SLC9B2: variants seen among roughly 807,000 people sequenced by gnomAD.
The protein encoded by SLC9B2 is sodium/hydrogen exchanger 9B2.
A neutral mutation model predicts 52.2 loss-of-function variants in SLC9B2; 39 were observed. The ratio of observed to expected loss-of-function variants is 0.75; its 90% CI spans 0.58 to 0.98. SLC9B2 has a LOEUF of 0.98. Among genes scored for constraint, SLC9B2 ranks in the 50% least tolerant of loss-of-function variants. The pLI is 0.00. For synonymous variants in SLC9B2, 214 were observed against 227.0 expected (o/e 0.94, Z 0.51); for missense variants, 626 against 637.5 (o/e 0.98, Z 0.19).
intron 11 of SLC9B2, among the ~76,000 whole-genome samples, chr4:103,027,054 A>T (rs966105618): frequency 6.6e-6 from 1 of 152,098 alleles, no homozygotes; most frequent in Non-Finnish European, 1.5e-5. Flanking sequence ...GCTGGTTCTG[A>T]TGATCTAAAA....
At chr4:103,028,953 T>C in intron 10 of SLC9B2, 70 bp from the exon 11 acceptor site, 1 of 1,269,004 alleles carries the variant, frequency 7.9e-7, no homozygotes, top group Non-Finnish European at 1.1e-6. Context: ...TGGTTACTAA[T>C]TCAAAATAAC....
chr4:103,021,861 A>G (rs573552379), downstream of SLC9B2, among the ~76,000 whole-genome samples: 4 of 152,220 alleles, frequency 2.6e-5, no homozygotes, highest in African/African-American at 9.6e-5. Context: ...AGCCTCCCAC[A>G]CTAGTTGTTC....
chr4:103,054,519 GAA>G (rs1744956412), intron 4 of SLC9B2, among the ~76,000 whole-genome samples: 1 of 152,150 alleles, frequency 6.6e-6, no homozygotes, highest in Admixed American at 6.5e-5. Flanking sequence ...AAGGGCCAAT[GAA>G]TATCTTAGGC....
intron 9 of SLC9B2, among the ~76,000 whole-genome samples, chr4:103,041,237 C>A (rs562404664): frequency 5.3e-5 from 8 of 152,124 alleles, no homozygotes; most frequent in Non-Finnish European, 8.8e-5. Flanking sequence ...GGTAAAAAAA[C>A]CAAAAACCCA....
At chr4:103,030,723 CATCTTA>C (rs1742622655) in intron 10 of SLC9B2, among the ~76,000 whole-genome samples, 1 of 151,492 alleles carries the variant, frequency 6.6e-6, no homozygotes, top group Non-Finnish European at 1.5e-5. Context: ...TAACATTTAC[CATCTTA>C]ACCATTTTTA....
At chr4:103,027,394 T>C (rs1003259437) in intron 11 of SLC9B2, among the ~76,000 whole-genome samples, 7 of 152,112 alleles carry the variant, frequency 4.6e-5, no homozygotes, top group African/African-American at 1.7e-4. Context: ...AACATGAAAA[T>C]AGTGGACACC....
chr4:103,054,051 G>A (rs1578465982), intron 4 of SLC9B2, among the ~76,000 whole-genome samples: 1 of 152,188 alleles, frequency 6.6e-6, no homozygotes, highest in East Asian at 1.9e-4. Flanking sequence ...GCCAAGATAC[G>A]AGGATTGCTT....
At chr4:103,058,910 T>C (rs1428592173) in intron 3 of SLC9B2, among the ~76,000 whole-genome samples, 2 of 151,928 alleles carry the variant, frequency 1.3e-5, no homozygotes, top group Non-Finnish European at 2.9e-5. Context: ...AAATATAAAA[T>C]ATAAAAATTA....
Position 103,023,448 on chromosome 4 carries a change from CACCA to C in SLC9B2, c.*2918_*2921del, listed in dbSNP as rs1236039272. ...TACTCTATCAGGTTAACCCTAAGTT[CACCA>C]ACCAAGTCAAGAGATGTGGCTTTCA... On this transcript the variant is annotated 3_prime_UTR_variant, in exon 12 of 12. Coordinates refer to ENST00000394785, the MANE Select transcript of SLC9B2 (RefSeq NM_178833.7). Among the ~76,000 whole-genome samples the C allele has an allele frequency of 6.6e-6, 1 of 152,168 alleles. No homozygotes were observed. Among genetic ancestry groups the C allele is most frequent in the East Asian group, 1.9e-4 (1 of 5,202 alleles).
chr4:103,047,288 T>C, intron 6 of SLC9B2, 62 bp from the exon 7 acceptor site: 3 of 1,416,338 alleles, frequency 2.1e-6, no homozygotes, highest in Non-Finnish European at 2.8e-6. Flanking sequence ...TTTGAAATTA[T>C]AATGCCCTCC....
At chr4:103,057,243 A>AGTATATATATATAT (rs1417745617) in intron 4 of SLC9B2, among the ~76,000 whole-genome samples, 4 of 66,930 alleles carry the variant, frequency 6.0e-5, no homozygotes, top group African/African-American at 3.3e-4. Flanking sequence ...GTTAATTTTA[A>AGTATATATATATAT]GTATATATAT....
At chr4:103,058,910 T>A (rs1428592173) in intron 3 of SLC9B2, among the ~76,000 whole-genome samples, 1 of 151,928 alleles carries the variant, frequency 6.6e-6, no homozygotes, top group African/African-American at 2.4e-5. Context: ...AAATATAAAA[T>A]ATAAAAATTA....
intron 3 of SLC9B2, among the ~76,000 whole-genome samples, chr4:103,065,250 T>A (rs893414959): frequency 1.4e-4 from 22 of 151,886 alleles, no homozygotes; most frequent in African/African-American, 5.3e-4. Context: ...GGGTTGTTGG[T>A]CACAGGATAC....
intron 4 of SLC9B2, 22 bp downstream of exon 4, chr4:103,057,779 A>G: frequency 6.2e-7 from 1 of 1,606,120 alleles, no homozygotes; most frequent in Non-Finnish European, 8.5e-7. Context: ...TCTGGATAGA[A>G]CAGGAAACAT....
intron 4 of SLC9B2, among the ~76,000 whole-genome samples, chr4:103,052,842 C>T (rs1744810115): frequency 6.6e-6 from 1 of 151,940 alleles, no homozygotes; most frequent in Non-Finnish European, 1.5e-5. Context: ...CCACTGCTCT[C>T]TCTTGGCCTG....
Position 103,043,157 on chromosome 4 carries a change from G to C in SLC9B2, c.1146+139C>G, listed in dbSNP as rs528778605. The C allele has an allele frequency of 4.7e-6, 4 of 844,596 alleles. No individual in the cohort carries two copies. In the East Asian group the frequency reaches 1.1e-4, roughly 24 times the overall value. 52.3% of individuals were successfully genotyped at this position (844,596 alleles called of 1,614,324 possible). On this transcript the variant is annotated intron_variant, in intron 9 of 11. Coordinates refer to ENST00000394785, the MANE Select transcript of SLC9B2 (RefSeq NM_178833.7). ...AGGGGAAAAAAAAGATGAACACTGG[G>C]TGTACATTTGTATATGCACATTAAG...
chr4:103,058,777 GA>G (rs1016474466), intron 3 of SLC9B2, among the ~76,000 whole-genome samples: 1 of 150,652 alleles, frequency 6.6e-6, no homozygotes, highest in Non-Finnish European at 1.5e-5. Flanking sequence ...ATAAGAATGT[GA>G]AATAGGCCAG....
In SLC9B2 at chr4:103,034,096, A is replaced by G. The variant is rs146155096; in HGVS notation, c.1147-2288T>C. 6.9e-3 allele frequency among the ~76,000 whole-genome samples: 1,058 copies of G among 152,300 alleles called. 42 individuals carry two copies. The highest frequency in any genetic ancestry group is 0.063 in the Admixed American group (962 of 15,290). On this transcript the variant is annotated intron_variant, in intron 9 of 11. Coordinates refer to ENST00000394785, the MANE Select transcript of SLC9B2 (RefSeq NM_178833.7). ...AGTAACTAAAACAGATGGTACTAGT[A>G]CAAAAACAGACACATAGACAAATAG... is the stretch of plus-strand genomic sequence containing the variant.
chr4:103,055,741 T>C (rs1365344755), intron 4 of SLC9B2, among the ~76,000 whole-genome samples: 1 of 151,682 alleles, frequency 6.6e-6, no homozygotes, highest in Admixed American at 6.6e-5. Context: ...GAGTGATTAA[T>C]AAATCTGTTA....
Sources: allele counts gnomAD v4.1 joint callset (sites outside exome capture counted in the v4.1 genomes callset), GRCh38; gene constraint gnomAD v4.1.1; transcripts MANE v1.5; gene names NCBI Gene and HGNC (gene_info 2026-07-23, HGNC 2026-07-21).